The following TH variants were observed in gnomAD, a reference collection of about 807,000 sequenced individuals.
TH encodes tyrosine 3-monooxygenase.
In TH, 49 loss-of-function variants were observed where a neutral mutation model predicts 57.4. The observed-to-expected ratio is 0.85, with a 90% CI of 0.68 to 1.08. The LOEUF is 1.08. Among genes scored for constraint, TH ranks in the 50% least tolerant of loss-of-function variants. The probability of loss-of-function intolerance (pLI) is 0.00; values close to 1 mark genes in which losing one functional copy is unlikely to be tolerated. For missense variants in TH, 720 were observed against 696.7 expected (o/e 1.03, Z -0.38); for synonymous variants, 330 against 304.5 (o/e 1.08, Z -0.87).
At chr11:2,165,859 C>G in intron 10 of TH, 96 bp from the exon 11 acceptor site, 1 of 1,526,106 alleles carries the variant, frequency 6.6e-7, no homozygotes, top group Non-Finnish European at 8.9e-7. Flanking sequence ...CCAGGGAGGC[C>G]AGGCCAGGAT....
At position 2,169,825 on chromosome 11, in the gene TH, C is replaced by T. The variant is rs761509793; in HGVS notation, c.137G>A (p.Arg46His). 4.3e-6 allele frequency: 7 copies of T among 1,610,828 alleles called. No individual in the cohort carries two copies. The highest frequency in any genetic ancestry group is 2.7e-5 in the African/African-American group (2 of 74,884). Residue 46 changes from arginine to histidine, a missense_variant, in exon 2 of 13, where the codon CGC becomes CAC. Coordinates refer to ENST00000352909, the MANE Select transcript of TH (RefSeq NM_000360.4). ...GRRQSLIEDA[R>H]KEREAAVAAA... ...TGCCACCGCCGCCTCCCGCTCCTTG[C>T]GGGCGTCCTCGATGAGGCTCTGCCT...
chr11:2,165,202 T>TG (rs1411853904), intron 12 of TH, 30 bp downstream of exon 12: 3 of 1,612,524 alleles, frequency 1.9e-6, no homozygotes, highest in African/African-American at 1.3e-5. Flanking sequence ...GGGGGCACCA[T>TG]GGGGGGCTTG....
Position 2,168,825 on chromosome 11 carries a change from G to A in TH, c.313-160C>T. ...ACAGATCCCGTTCTTCCAGGCTCAG[G>A]TCAGCTGTCGGCCACCAGGCCAGGG... On this transcript the variant is annotated intron_variant, in intron 2 of 12. Transcript: ENST00000352909. The A allele has an allele frequency of 6.4e-6, 6 of 937,234 alleles. No individual in the cohort carries two copies. The South Asian group carries it at 9.0e-5, about 14-fold the overall frequency. The allele number at this position is 937,234 out of a possible 1,614,324, so 58.1% of individuals were successfully genotyped here.
At chr11:2,165,791 C>A (rs1846073733) in intron 10 of TH, 28 bp from the exon 11 acceptor site, 3 of 1,605,492 alleles carry the variant, frequency 1.9e-6, no homozygotes, top group Non-Finnish European at 2.5e-6. Context: ...AGCATCAGCC[C>A]AGAGACAGCT....
intron 5 of TH, 183 bp from the exon 6 acceptor site, chr11:2,167,668 G>A: frequency 9.4e-7 from 1 of 1,060,956 alleles, no homozygotes; most frequent in Non-Finnish European, 1.4e-6. Context: ...GGCCTCGGCA[G>A]GTTGCTCTAG....
Position 2,170,055 on chromosome 11 carries a change from A to G in TH, c.91-184T>C, listed in dbSNP as rs1364739431. Among the ~76,000 whole-genome samples, 1 of 152,100 alleles carries G rather than the reference A, an allele frequency of 6.6e-6. No homozygotes were observed. Among genetic ancestry groups the G allele is most frequent in the Non-Finnish European group, 1.5e-5 (1 of 68,004 alleles). ...TAGCCGAGGTGCCTGCGGGCATTGC[A>G]CGCCCTTCCCGATGGGGGCAGCCCA... On this transcript the variant is annotated intron_variant, in intron 1 of 12. Transcript: ENST00000352909. The surrounding 1 kb of genome is among the most constrained non-coding windows in gnomAD (Gnocchi z 6.0).
chr11:2,166,857 C>T (rs754163484), intron 7 of TH, 30 bp downstream of exon 7: 9 of 1,595,030 alleles, frequency 5.6e-6, no homozygotes, highest in East Asian at 2.3e-5. Flanking sequence ...CCCGGCCCCC[C>T]GGCTCTGCGC....
rs1199957379 is a variant in TH, at chr11:2,170,834, G to C, written c.90+863C>G. On this transcript the variant is annotated intron_variant, in intron 1 of 12. Coordinates refer to ENST00000352909, the MANE Select transcript of TH (RefSeq NM_000360.4). The surrounding 1 kb of genome is among the most constrained non-coding windows in gnomAD (Gnocchi z 6.0). ...GGGTAGGGGAGGGCGGGGGAGGACGGGGGAGGGCGCCCTGTGTCCCTGAGA... is the reference window on the plus strand; with the variant it reads ...GGGTAGGGGAGGGCGGGGGAGGACGCGGGAGGGCGCCCTGTGTCCCTGAGA... The C allele has an allele frequency of 1.6e-6, 1 of 622,292 alleles. No homozygotes were observed. Among genetic ancestry groups the C allele is most frequent in the Non-Finnish European group, 2.8e-6 (1 of 354,810 alleles). 38.5% of individuals were successfully genotyped at this position (622,292 alleles called of 1,614,324 possible). A position where few individuals can be genotyped will look rare whatever the true frequency, so the allele number is the denominator to read the frequency against.
chr11:2,168,736 G>C (rs1846172712), intron 2 of TH, 71 bp from the exon 3 acceptor site: 1 of 456,336 alleles, frequency 2.2e-6, no homozygotes, highest in East Asian at 7.3e-5. Flanking sequence ...GGTGGGGTGG[G>C]CGGGGAGGAG....
intron 2 of TH, among the ~76,000 whole-genome samples, chr11:2,169,348 G>C (rs1846189526): frequency 6.6e-6 from 1 of 152,164 alleles, no homozygotes; most frequent in African/African-American, 2.4e-5. Flanking sequence ...GTGCTGCCCT[G>C]CTGGGAGCCC....
At chr11:2,168,724 A>AGGGGGGGGG in intron 2 of TH, 59 bp from the exon 3 acceptor site, 2 of 97,978 alleles carry the variant, frequency 2.0e-5, no homozygotes, top group Non-Finnish European at 3.9e-5. Context: ...ATGGAGAGAG[A>AGGGGGGGGG]GGGTGGGGTG....
In TH at chr11:2,165,762, A is replaced by G; in HGVS notation, c.1106T>C (p.Leu369Pro). 1.2e-6 allele frequency: 2 copies of G among 1,612,170 alleles called. No individual in the cohort carries two copies. The highest frequency in any genetic ancestry group is 1.7e-6 in the Non-Finnish European group (2 of 1,179,782). The part of the protein sequence containing the change: ...SDEEIEKLST[L>P]YWFTVEFGLC... ...CCCGAACTCCACCGTGAACCAGTACAGCTGCGGGGAAGCCGGGCAGCATCA... is the reference window on the plus strand; with the variant it reads ...CCCGAACTCCACCGTGAACCAGTACGGCTGCGGGGAAGCCGGGCAGCATCA... Residue 369 changes from leucine to proline, a missense_variant and splice_region_variant, in exon 11 of 13, where the codon CTG (leucine) becomes CCG (proline). Coordinates refer to ENST00000352909, the MANE Select transcript of TH (RefSeq NM_000360.4).
At position 2,171,442 on chromosome 11, in the gene TH, G is replaced by A. The variant is rs993290912; in HGVS notation, c.90+255C>T. Among the ~76,000 whole-genome samples, 4 of 152,034 alleles carry A rather than the reference G, an allele frequency of 2.6e-5. No individual in the cohort carries two copies. The highest frequency in any genetic ancestry group is 6.5e-5 in the Admixed American group (1 of 15,294). ...TGAAACAAGACACAGAGACCCACAC[G>A]ACCCCCGAGAGAGGTCGGCCTAAGA... On this transcript the variant is annotated intron_variant, in intron 1 of 12. Coordinates refer to ENST00000352909, the MANE Select transcript of TH (RefSeq NM_000360.4). This position sits in a 1 kb window ranked among gnomAD's most constrained non-coding sequence, Gnocchi z 8.6.
chr11:2,164,390 C>A lies in TH; in HGVS notation c.1337G>T (p.Ser446Ile). The change falls in exon 13 of 13, where the codon AGC becomes ATC. Residue 446 changes from serine to isoleucine, a missense_variant and splice_region_variant. By Grantham distance (142) the Ser-to-Ile change is moderately radical. Coordinates refer to ENST00000352909, the MANE Select transcript of TH (RefSeq NM_000360.4). ...GGGGCGCTGGATGCGTGAGGCATAG[C>A]TCCTGGGGAGGAGAGCGGCAGAGCC... Reference protein sequence around the residue: ...SFSDAKDKLRSYASRIQRPFS... With the variant: ...SFSDAKDKLRIYASRIQRPFS... 1 of 1,550,120 alleles carries A rather than the reference C, an allele frequency of 6.5e-7. No individual in the cohort carries two copies. Among genetic ancestry groups the A allele is most frequent in the Non-Finnish European group, 8.7e-7 (1 of 1,147,430 alleles).
In TH at chr11:2,166,624, C is replaced by T; in HGVS notation, c.977+9G>A. ...CACCCTCGGGCTGGCGGCCAGGGCG[C>T]GCACTCACGGCTCAGGGGAGTGCAT... On this transcript the variant is annotated intron_variant, in intron 8 of 12. Transcript: ENST00000352909. 6.3e-7 allele frequency: 1 copy of T among 1,581,292 alleles called. No individual in the cohort carries two copies. Among genetic ancestry groups the T allele is most frequent in the Non-Finnish European group, 8.6e-7 (1 of 1,165,202 alleles).
chr11:2,169,281 C>T (rs1408090143), intron 2 of TH, among the ~76,000 whole-genome samples: 1 of 152,088 alleles, frequency 6.6e-6, no homozygotes, highest in African/African-American at 2.4e-5. Flanking sequence ...TCAGTGGTCA[C>T]CTGAGCCACT....
At chr11:2,168,740 G>GGGGGGGGT in intron 2 of TH, 75 bp from the exon 3 acceptor site, 1 of 448,222 alleles carries the variant, frequency 2.2e-6, no homozygotes, top group Non-Finnish European at 4.5e-6. Flanking sequence ...GGGTGGGCGG[G>GGGGGGGGT]GAGGAGGCAC....
At chr11:2,168,209 G>T in intron 3 of TH, 30 bp from the exon 4 acceptor site, 1 of 1,608,242 alleles carries the variant, frequency 6.2e-7, no homozygotes, top group Non-Finnish European at 8.5e-7. Context: ...AGAGATCTTG[G>T]TGAGCTCGGA....
rs755664117 is a variant in TH, at chr11:2,169,836, G to A, written c.126C>T (p.Ile42=). 8.7e-6 allele frequency: 14 copies of A among 1,610,570 alleles called. No individual in the cohort carries two copies. Among genetic ancestry groups the A allele is most frequent in the East Asian group, 4.5e-5 (2 of 44,864 alleles). ...CCTCCCGCTCCTTGCGGGCGTCCTC[G>A]ATGAGGCTCTGCCTGCGCCCAATGA... is the stretch of plus-strand genomic sequence containing the variant. The part of the protein sequence containing the change: ...PRFIGRRQSL[I]EDARKEREAA... Residue 42 remains isoleucine (I), a synonymous_variant, in exon 2 of 13, where the codon ATC becomes ATT. Coordinates refer to ENST00000352909, the MANE Select transcript of TH (RefSeq NM_000360.4).
Sources: gnomAD v4.1 joint callset for allele counts (sites outside exome capture counted in the v4.1 genomes callset) on GRCh38, gnomAD v4.1.1 for gene constraint, Gnocchi (gnomAD v3.1) non-coding constraint, MANE v1.5 for transcripts, NCBI Gene and HGNC (gene_info 2026-07-23, HGNC 2026-07-21) for gene names.